The following DDX55 variants were observed in gnomAD, a reference collection of about 807,000 sequenced individuals.
DDX55 encodes ATP-dependent RNA helicase DDX55.
DDX55 carries 56 observed loss-of-function variants against 69.2 expected under a neutral mutation model. The observed-to-expected ratio is 0.81, with a 90% CI of 0.65 to 1.01. The LOEUF (loss-of-function observed/expected upper bound fraction) is 1.01. Ranked by LOEUF, DDX55 falls within the 50% of genes least tolerant of loss-of-function variation. The pLI is 0.00. For missense variants in DDX55, 720 were observed against 745.1 expected, an observed-to-expected ratio of 0.97 and a Z score of 0.39; for synonymous variants, 268 against 273.1, an observed-to-expected ratio of 0.98 and a Z score of 0.18.
Position 123,618,674 on chromosome 12 carries a change from C to T in DDX55, c.1170C>T (p.Pro390=). ...TGGTATGTGTGTGTGTGTAGTGCCC[C>T]CTGCAGGAGATGAAGCCCCAGAGAA... The part of the protein sequence containing the change: ...INFLAINQKC[P]LQEMKPQRNT... Residue 390 remains proline (P), a synonymous_variant, in exon 12 of 14, where the codon CCC becomes CCT. Transcript: ENST00000238146. 1 of 1,613,742 alleles carries T rather than the reference C, an allele frequency of 6.2e-7. No homozygotes were observed. The highest frequency in any genetic ancestry group is 1.3e-5 in the African/African-American group (1 of 75,012).
rs763263840 is a variant in DDX55 at position 123,616,587 on chromosome 12, C to G, written c.1033C>G (p.Pro345Ala). Residue 345 changes from proline (P) to alanine (A), a missense_variant, in exon 10 of 14, where the codon CCT becomes GCT. Coordinates refer to ENST00000238146, the MANE Select transcript of DDX55 (RefSeq NM_020936.3). ...AGTCAACTGGGTTTTGCAGTATGAC[C>G]CTCCCAGCAATGCAAGGTATGGTAC... is the stretch of plus-strand genomic sequence containing the variant. ...PEVNWVLQYD[P>A]PSNASAFVHR... The G allele has an allele frequency of 1.2e-6, 2 of 1,613,920 alleles. No homozygotes were observed. Among genetic ancestry groups the G allele is most frequent in the African/African-American group, 1.3e-5 (1 of 74,896 alleles).
chr12:123,617,098 T>A (rs1954732089), intron 10 of DDX55, among the ~76,000 whole-genome samples: 1 of 152,224 alleles, frequency 6.6e-6, no homozygotes, highest in African/African-American at 2.4e-5. Context: ...GGCAATGGAT[T>A]GTGCCACTTC....
chr12:123,607,371 T>G, intron 3 of DDX55, 61 bp from the exon 4 acceptor site: 36 of 1,578,408 alleles, frequency 2.3e-5, no homozygotes, highest in Non-Finnish European at 3.1e-5. Flanking sequence ...GGAGGGCCTA[T>G]GAGTTCCTCT....
At chr12:123,619,840 G>A (rs1566208205) in intron 13 of DDX55, 116 bp downstream of exon 13, 1 of 1,518,864 alleles carries the variant, frequency 6.6e-7, no homozygotes. Context: ...CGACCAGGGT[G>A]GGGAATTTGC....
At chr12:123,614,257 C>T (rs1166761082) in intron 8 of DDX55, among the ~76,000 whole-genome samples, 4 of 152,172 alleles carry the variant, frequency 2.6e-5, no homozygotes, top group Non-Finnish European at 5.9e-5. Flanking sequence ...GGTTGTGAGG[C>T]TTAGTGTGTG....
At chr12:123,610,618 T>C (rs1175683249) in intron 7 of DDX55, among the ~76,000 whole-genome samples, 1 of 145,256 alleles carries the variant, frequency 6.9e-6, no homozygotes, top group Non-Finnish European at 1.5e-5. Flanking sequence ...TTTTTTTTTT[T>C]TTTTTTTTTT....
Position 123,618,808 on chromosome 12 carries a change from A to G in DDX55, c.1304A>G (p.His435Arg), listed in dbSNP as rs974628709. ...FVSYVQAYAK[H>R]ECNLIFRLKD... ...TCATATGTCCAAGCTTATGCAAAGC[A>G]TGAATGCAACCTGATTTTCAGATTA... Residue 435 changes from histidine (H) to arginine (R), a missense_variant, in exon 12 of 14, where the codon CAT becomes CGT. Physicochemically the swap from His to Arg is conservative, Grantham distance 29. Transcript: ENST00000238146. 1.9e-6 allele frequency: 3 copies of G among 1,614,090 alleles called. No homozygotes were observed. The African/African-American group carries it at 4.0e-5, about 22-fold the overall frequency.
rs1480883001 is a variant in DDX55, at chr12:123,607,857, A to G, written c.401+195A>G. On this transcript the variant is annotated intron_variant, in intron 5 of 13. Transcript: ENST00000238146. ...ATAAGGCCCTGATGAGAACTTCACA[A>G]ACTCAGGTTCTTACAGAGGTCAAGA... The G allele has an allele frequency of 1.3e-5, 9 of 681,664 alleles. No homozygotes were observed. The East Asian group carries it at 2.5e-4, about 19-fold the overall frequency. The allele number at this position is 681,664 out of a possible 1,614,324, so 42.2% of individuals were successfully genotyped here. A position where few individuals can be genotyped will look rare whatever the true frequency, so the allele number is the denominator to read the frequency against.
At chr12:123,615,869 C>T (rs558276095) in intron 9 of DDX55, among the ~76,000 whole-genome samples, 38 of 152,310 alleles carry the variant, frequency 2.5e-4, no homozygotes, top group African/African-American at 8.9e-4. Context: ...GTAGTCCCAG[C>T]TACTCCAGAG....
At position 123,602,688 on chromosome 12, in the gene DDX55, A is replaced by G. The variant is rs537507227; in HGVS notation, c.108+432A>G. Among the ~76,000 whole-genome samples, 12 of 152,296 alleles carry G rather than the reference A, an allele frequency of 7.9e-5. No individual in the cohort carries two copies. The South Asian group carries it at 2.5e-3, about 32-fold the overall frequency. On this transcript the variant is annotated intron_variant, in intron 1 of 13. Coordinates refer to ENST00000238146, the MANE Select transcript of DDX55 (RefSeq NM_020936.3). The stretch of plus-strand genomic sequence containing the variant: ...ACCGTTGTTATGCATCTCTTCAAGA[A>G]TATTTCTTGAGGACCTGCTATGTGT...
intron 5 of DDX55, chr12:123,608,079 G>A (rs975103251): frequency 9.2e-5 from 21 of 228,538 alleles, no homozygotes; most frequent in Non-Finnish European, 1.4e-4. Context: ...AACTGTTGGC[G>A]TGTAATCCAC....
intron 1 of DDX55, among the ~76,000 whole-genome samples, chr12:123,603,362 G>A (rs1953680356): frequency 1.6e-5 from 1 of 62,742 alleles, no homozygotes; most frequent in African/African-American, 6.6e-5. Flanking sequence ...GGTTAGGAAA[G>A]AAAAGACTAC....
intron 5 of DDX55, chr12:123,608,431 A>G (rs1410324537): frequency 5.1e-6 from 2 of 394,724 alleles, no homozygotes; most frequent in Admixed American, 7.3e-5. Context: ...AAGGACAGGC[A>G]GCAGCCCAGG....
At chr12:123,604,076 A>G (rs528938826) in intron 1 of DDX55, among the ~76,000 whole-genome samples, 7 of 152,278 alleles carry the variant, frequency 4.6e-5, no homozygotes, top group African/African-American at 1.2e-4. Context: ...CTGGGATTAC[A>G]GGAGTGAGCC....
chr12:123,603,717 G>T (rs1226457435), intron 1 of DDX55, among the ~76,000 whole-genome samples: 1 of 151,910 alleles, frequency 6.6e-6, no homozygotes, highest in Admixed American at 6.6e-5. Context: ...AGTGAATGGT[G>T]TTACCATTTC....
chr12:123,619,012 T>G (rs1954926577), intron 12 of DDX55, among the ~76,000 whole-genome samples, 175 bp downstream of exon 12: 1 of 152,234 alleles, frequency 6.6e-6, no homozygotes, highest in Non-Finnish European at 1.5e-5. Flanking sequence ...TGTAATTTTT[T>G]TAATTTTTGA....
chr12:123,610,278 C>G, intron 7 of DDX55, 150 bp downstream of exon 7: 1 of 966,982 alleles, frequency 1.0e-6, no homozygotes, highest in East Asian at 2.7e-5. Flanking sequence ...CCTGAGTGGT[C>G]CTACTCATTG....
chr12:123,620,203 G>A lies in DDX55; in HGVS notation c.*63G>A, dbSNP rs938597159. ...TTCCCTAACTTGGTGGATGGCTCCA[G>A]TTTGCTTTTAACGAAAATCACAACT... On this transcript the variant is annotated 3_prime_UTR_variant, in exon 14 of 14. Transcript: ENST00000238146. 18 of 1,517,136 alleles carry A rather than the reference G, an allele frequency of 1.2e-5. No individual in the cohort carries two copies. Among genetic ancestry groups the A allele is most frequent in the Non-Finnish European group, 1.6e-5 (18 of 1,125,744 alleles). 94.0% of individuals were successfully genotyped at this position (1,517,136 alleles called of 1,614,324 possible). A position where few individuals can be genotyped will look rare whatever the true frequency, so the allele number is the denominator to read the frequency against.
intron 6 of DDX55, 145 bp from the exon 7 acceptor site, chr12:123,609,794 A>G: frequency 2.1e-6 from 2 of 944,278 alleles, no homozygotes; most frequent in Non-Finnish European, 3.1e-6. Flanking sequence ...AGAATCACCT[A>G]TAATCTCACC....
Sources: gnomAD v4.1 joint callset for allele counts (sites outside exome capture counted in the v4.1 genomes callset) on GRCh38, gnomAD v4.1.1 for gene constraint, MANE v1.5 for transcripts, NCBI Gene and HGNC (gene_info 2026-07-23, HGNC 2026-07-21) for gene names.